Variants in TAF1B observed in about 807,000 individuals in gnomAD.
TAF1B encodes the protein TATA-box binding protein associated factor, RNA polymerase I subunit B.
A neutral mutation model predicts 83.9 loss-of-function variants in TAF1B; 61 were observed. The observed-to-expected ratio is 0.73, with a 90% confidence interval of 0.59 to 0.90. TAF1B has a LOEUF of 0.90. TAF1B is among the 40% of genes least tolerant of loss of function. The probability of loss-of-function intolerance (pLI) is 0.00; values close to 1 mark genes in which losing one functional copy is unlikely to be tolerated. For missense variants in TAF1B, 625 were observed against 677.0 expected (o/e 0.92, Z 0.85); for synonymous variants, 221 against 224.6 (o/e 0.98, Z 0.14).
At chr2:9,855,286 C>T (rs574051016) in intron 5 of TAF1B, among the ~76,000 whole-genome samples, 5 of 152,218 alleles carry the variant, frequency 3.3e-5, no homozygotes, top group African/African-American at 7.2e-5. Flanking sequence ...TGAGCCACTG[C>T]GCCCAGCCAG....
At chr2:9,870,889 CTGTT>C (rs1370372867) in intron 6 of TAF1B, among the ~76,000 whole-genome samples, 1 of 152,106 alleles carries the variant, frequency 6.6e-6, no homozygotes, top group African/African-American at 2.4e-5. Context: ...ATTTAGTTTT[CTGTT>C]TATTACTAAT....
At chr2:9,859,510 C>T (rs946840382) in intron 5 of TAF1B, among the ~76,000 whole-genome samples, 1 of 151,816 alleles carries the variant, frequency 6.6e-6, no homozygotes, top group Non-Finnish European at 1.5e-5. Context: ...GCTTAGCCTC[C>T]CGAGTAGCTG....
chr2:9,864,359 G>A (rs62127569), intron 5 of TAF1B, among the ~76,000 whole-genome samples: 3,700 of 152,184 alleles, frequency 0.024, 58 homozygotes, highest in East Asian at 0.049. Context: ...TAAATTCCTC[G>A]ACAAATACAC....
intron 8 of TAF1B, among the ~76,000 whole-genome samples, chr2:9,889,016 G>A (rs1664781423): frequency 6.6e-6 from 1 of 151,418 alleles, no homozygotes; most frequent in South Asian, 2.1e-4. Flanking sequence ...GGGCCAGGCT[G>A]GTCTCGAACT....
chr2:9,923,115 C>T (rs936812405), intron 14 of TAF1B, among the ~76,000 whole-genome samples: 3 of 150,430 alleles, frequency 2.0e-5, no homozygotes, highest in African/African-American at 7.4e-5. Context: ...TGGTGGTGCA[C>T]GTGTATAATC....
At chr2:9,884,459 T>C (rs1480305644) in intron 8 of TAF1B, among the ~76,000 whole-genome samples, 1 of 152,196 alleles carries the variant, frequency 6.6e-6, no homozygotes, top group Non-Finnish European at 1.5e-5. Context: ...AAGAATGAGG[T>C]ACACAGATAA....
intron 8 of TAF1B, among the ~76,000 whole-genome samples, chr2:9,883,720 A>G (rs1363815519): frequency 2.6e-5 from 4 of 152,252 alleles, no homozygotes; most frequent in Non-Finnish European, 1.5e-5. Context: ...AGAGAAAACC[A>G]ATAATGAGGA....
intron 6 of TAF1B, among the ~76,000 whole-genome samples, chr2:9,869,644 G>C (rs1230571698): frequency 6.6e-6 from 1 of 151,882 alleles, no homozygotes; most frequent in Non-Finnish European, 1.5e-5. Context: ...GGGAGGCTGA[G>C]GCGAGCAGAT....
At chr2:9,922,301 C>A (rs931114793) in intron 14 of TAF1B, among the ~76,000 whole-genome samples, 8 of 152,306 alleles carry the variant, frequency 5.3e-5, no homozygotes, top group African/African-American at 1.9e-4. Context: ...GTGGAGCCAA[C>A]ACGGCCCTCT....
chr2:9,843,517 C>A lies in TAF1B; in HGVS notation c.-25C>A. The A allele has an allele frequency of 6.6e-7, 1 of 1,524,240 alleles. No homozygotes were observed. Among genetic ancestry groups the A allele is most frequent in the Non-Finnish European group, 8.8e-7 (1 of 1,132,788 alleles). The allele number at this position is 1,524,240 out of a possible 1,614,324, so 94.4% of individuals were successfully genotyped here. ...TCGCTACCCGGGTAACGGGTCCCGG[C>A]TGTGGAAGCTCCCGCGGCGCCGCGA... On this transcript the variant is annotated 5_prime_UTR_variant, in exon 1 of 15. It adds an upstream start codon to the 5' untranslated region. Transcript: ENST00000263663.
chr2:9,900,315 C>T (rs1665144181), intron 8 of TAF1B, among the ~76,000 whole-genome samples: 1 of 152,188 alleles, frequency 6.6e-6, no homozygotes, highest in Non-Finnish European at 1.5e-5. Flanking sequence ...AGGCAAATTG[C>T]ATGACCCTAG....
At chr2:9,908,464 C>A (rs1665418839) in intron 9 of TAF1B, among the ~76,000 whole-genome samples, 1 of 151,956 alleles carries the variant, frequency 6.6e-6, no homozygotes, top group Non-Finnish European at 1.5e-5. Context: ...CTTCTACAAC[C>A]CAATATAGAT....
Position 9,910,843 on chromosome 2 carries a change from G to C in TAF1B, c.1063G>C (p.Asp355His). 1.2e-6 allele frequency: 2 copies of C among 1,613,566 alleles called. No homozygotes were observed. The highest frequency in any genetic ancestry group is 1.7e-6 in the Non-Finnish European group (2 of 1,179,684). ...IAKMAKTVKY[D>H]VQAVAIIVVV... ...TAAAATGGCAAAAACTGTTAAGTAC[G>C]ATGTACAAGCTGTAGCTATCATTGT... is the stretch of plus-strand genomic sequence containing the variant. Residue 355 changes from aspartate to histidine, a missense_variant, in exon 10 of 15, where the codon GAT becomes CAT. Physicochemically the swap from Asp to His is moderately conservative, Grantham distance 81. Transcript: ENST00000263663.
At chr2:9,882,887 T>C (rs447465) in intron 8 of TAF1B, 82 bp downstream of exon 8, 233,954 of 993,492 alleles carry the variant, frequency 0.24, 30,212 homozygotes, top group Non-Finnish European at 0.27. Context: ...GCTTGACTTA[T>C]TATTTGGTGT....
intron 1 of TAF1B, 49 bp downstream of exon 1, chr2:9,843,608 G>C: frequency 3.4e-6 from 5 of 1,463,172 alleles, no homozygotes; most frequent in Non-Finnish European, 4.5e-6. Context: ...GGCCGGAGGA[G>C]AGAGAAGCTG....
chr2:9,860,989 G>T (rs1303614795), intron 5 of TAF1B, among the ~76,000 whole-genome samples: 1 of 152,200 alleles, frequency 6.6e-6, no homozygotes, highest in Non-Finnish European at 1.5e-5. Context: ...GGCCAAATAG[G>T]AACAGCTCCA....
In TAF1B at chr2:9,899,322, C is replaced by T. The variant is rs184683054; in HGVS notation, c.808-5537C>T. On this transcript the variant is annotated intron_variant, in intron 8 of 14. Coordinates refer to ENST00000263663, the MANE Select transcript of TAF1B (RefSeq NM_005680.3). The stretch of plus-strand genomic sequence containing the variant: ...TTAGCATAATATCTTTAAGGATCAC[C>T]TATATTGTAGTTCGTGTCAGAATTT... 3.3e-4 allele frequency among the ~76,000 whole-genome samples: 50 copies of T among 152,288 alleles called. 1 individual carries two copies. The East Asian group carries it at 8.3e-3, about 25-fold the overall frequency.
At chr2:9,890,223 A>G (rs1202462785) in intron 8 of TAF1B, among the ~76,000 whole-genome samples, 1 of 152,106 alleles carries the variant, frequency 6.6e-6, no homozygotes, top group Non-Finnish European at 1.5e-5. Context: ...TCTCTTCTCT[A>G]AGGGATTAGT....
At chr2:9,908,462 A>G (rs184555575) in intron 9 of TAF1B, among the ~76,000 whole-genome samples, 183 of 152,318 alleles carry the variant, frequency 1.2e-3, no homozygotes, top group African/African-American at 4.3e-3. Context: ...AGCTTCTACA[A>G]CCCAATATAG....
Sources: gnomAD v4.1 joint callset for allele counts (sites outside exome capture counted in the v4.1 genomes callset) on GRCh38, gnomAD v4.1.1 for gene constraint, MANE v1.5 for transcripts, NCBI Gene and HGNC (gene_info 2026-07-23, HGNC 2026-07-21) for gene names.